Variants in CLPP observed in about 807,000 individuals in gnomAD.
CLPP encodes ATP-dependent Clp protease proteolytic subunit, mitochondrial.
A neutral mutation model predicts 27.4 loss-of-function variants in CLPP; 14 were observed. The ratio of observed to expected loss-of-function variants is 0.51; its 90% CI spans 0.34 to 0.80. CLPP has a LOEUF of 0.80. Among genes scored for constraint, CLPP ranks in the 30% least tolerant of loss-of-function variants. The pLI is 0.02. For synonymous variants in CLPP, 193 were observed against 166.6 expected (o/e 1.16, Z -1.22); for missense variants, 361 against 403.6 (o/e 0.89, Z 0.90).
At chr19:6,363,623 C>T (rs1429921199) in intron 3 of CLPP, among the ~76,000 whole-genome samples, 2 of 152,096 alleles carry the variant, frequency 1.3e-5, no homozygotes, top group African/African-American at 2.4e-5. Flanking sequence ...CTAGACCGGA[C>T]GCAGTGGCTT....
In CLPP at chr19:6,370,225, A is replaced by G. The variant is rs2091881344; in HGVS notation, c.*1515A>G. On this transcript the variant is annotated 3_prime_UTR_variant, in exon 6 of 6. Transcript: ENST00000245816. ...ATCAGGGTCAAGAGGTTGAAATAAAAACGTAGGTGTCATCGGCCGGGCGCG... is the reference window on the plus strand; with the variant it reads ...ATCAGGGTCAAGAGGTTGAAATAAAGACGTAGGTGTCATCGGCCGGGCGCG... Among the ~76,000 whole-genome samples the G allele has an allele frequency of 6.6e-6, 1 of 152,224 alleles. No individual in the cohort carries two copies. Among genetic ancestry groups the G allele is most frequent in the South Asian group, 2.1e-4 (1 of 4,830 alleles).
chr19:6,367,119 G>A (rs2091866297), intron 5 of CLPP, among the ~76,000 whole-genome samples: 1 of 152,002 alleles, frequency 6.6e-6, no homozygotes, highest in Non-Finnish European at 1.5e-5. Context: ...GCTCACGCCT[G>A]TAGTACCAGC....
chr19:6,362,259 G>T (rs760383451), intron 2 of CLPP, 187 bp from the exon 3 acceptor site: 59 of 521,134 alleles, frequency 1.1e-4, no homozygotes, highest in Non-Finnish European at 1.8e-4. Flanking sequence ...CCCCCTTCCT[G>T]TGCTCCAAAC....
At chr19:6,362,582 G>A (rs778415926) in intron 3 of CLPP, 40 bp downstream of exon 3, 4 of 1,365,408 alleles carry the variant, frequency 2.9e-6, no homozygotes, top group Admixed American at 3.4e-5. Flanking sequence ...GCACTCGTCA[G>A]GGCACACGGG....
intron 4 of CLPP, chr19:6,364,977 G>C: frequency 4.7e-6 from 1 of 214,696 alleles, no homozygotes; most frequent in Non-Finnish European, 9.5e-6. Context: ...GCCCACATTG[G>C]CCTCCCAAAG....
At position 6,369,536 on chromosome 19, in the gene CLPP, C is replaced by T. The variant is rs1025197745; in HGVS notation, c.*826C>T. Among the ~76,000 whole-genome samples, 1 of 152,006 alleles carries T rather than the reference C, an allele frequency of 6.6e-6. No individual in the cohort carries two copies. Among genetic ancestry groups the T allele is most frequent in the Admixed American group, 6.6e-5 (1 of 15,260 alleles). Reference sequence around the variant, plus strand: ...AGAAGGTGGTGGTTGAGCAAAGCCTCAAAGGAGGTGAGGGGTGGAGCCTGT... The same window carrying T: ...AGAAGGTGGTGGTTGAGCAAAGCCTTAAAGGAGGTGAGGGGTGGAGCCTGT... On this transcript the variant is annotated 3_prime_UTR_variant, in exon 6 of 6. Coordinates refer to ENST00000245816, the MANE Select transcript of CLPP (RefSeq NM_006012.4).
At chr19:6,362,040 C>A (rs377582066) in intron 2 of CLPP, 100 bp downstream of exon 2, 1 of 1,161,354 alleles carries the variant, frequency 8.6e-7, no homozygotes. Context: ...CCCTCAGGCT[C>A]CGCTCCCCTT....
At chr19:6,366,110 A>T in intron 4 of CLPP, 148 bp from the exon 5 acceptor site, 1 of 607,334 alleles carries the variant, frequency 1.6e-6, no homozygotes, top group South Asian at 2.0e-5. Flanking sequence ...GAAGCAGGAT[A>T]TCGGGGGATT....
In CLPP at chr19:6,362,442, G is replaced by A; in HGVS notation, c.271-4G>A. On this transcript the variant is annotated splice_polypyrimidine_tract_variant and splice_region_variant and intron_variant, in intron 2 of 5. Coordinates refer to ENST00000245816, the MANE Select transcript of CLPP (RefSeq NM_006012.4). ...GGGGACACCCCTGCCCTCTCCACCT[G>A]CAGATCGATGACAGCGTTGCCAGCC... The A allele has an allele frequency of 6.2e-7, 1 of 1,611,734 alleles. No homozygotes were observed. Among genetic ancestry groups the A allele is most frequent in the Non-Finnish European group, 8.5e-7 (1 of 1,177,946 alleles).
At chr19:6,363,703 G>C (rs2091847511) in intron 3 of CLPP, among the ~76,000 whole-genome samples, 2 of 151,950 alleles carry the variant, frequency 1.3e-5, no homozygotes. Flanking sequence ...TTTGAGAGCA[G>C]CCTGGCCAAC....
At chr19:6,362,159 C>A in intron 2 of CLPP, 1 of 602,078 alleles carries the variant, frequency 1.7e-6, no homozygotes. Context: ...TCCTTCCTGA[C>A]ACCTGGCACC....
At chr19:6,362,141 C>G in intron 2 of CLPP, 2 of 602,310 alleles carry the variant, frequency 3.3e-6, no homozygotes, top group Admixed American at 3.0e-5. Context: ...GGCTCTTAAT[C>G]TCCGACTTCC....
chr19:6,362,484 C>A lies in CLPP; in HGVS notation c.309C>A (p.Leu103=), dbSNP rs1456437657. 1 of 1,614,086 alleles carries A rather than the reference C, an allele frequency of 6.2e-7. No homozygotes were observed. Residue 103 remains leucine, a synonymous_variant, in exon 3 of 6, where the codon CTC becomes CTA. Transcript: ENST00000245816. ...DSVASLVIAQ[L]LFLQSESNKK... The stretch of plus-strand genomic sequence containing the variant: ...TTGCCAGCCTTGTTATCGCACAGCT[C>A]CTCTTCCTGCAATCCGAGAGCAACA...
intron 4 of CLPP, chr19:6,364,868 A>G: frequency 2.2e-6 from 1 of 457,884 alleles, no homozygotes; most frequent in Non-Finnish European, 3.9e-6. Flanking sequence ...AGCTGGGACT[A>G]CAGGCGCCCG....
At chr19:6,362,727 C>T (rs567481445) in intron 3 of CLPP, among the ~76,000 whole-genome samples, 185 bp downstream of exon 3, 1 of 152,264 alleles carries the variant, frequency 6.6e-6, no homozygotes, top group Admixed American at 6.5e-5. Context: ...GTTCACAAGT[C>T]AGGATGTGGC....
intron 3 of CLPP, among the ~76,000 whole-genome samples, chr19:6,363,908 G>T (rs1458399618): frequency 6.7e-6 from 1 of 149,426 alleles, no homozygotes; most frequent in Non-Finnish European, 1.5e-5. Flanking sequence ...AAAAAAAATA[G>T]CTGCTTCTGG....
chr19:6,366,521 A>C (rs1484093991), intron 5 of CLPP, among the ~76,000 whole-genome samples, 158 bp downstream of exon 5: 1 of 152,136 alleles, frequency 6.6e-6, no homozygotes, highest in African/African-American at 2.4e-5. Flanking sequence ...CAACATGGTG[A>C]AATCCCATCT....
At chr19:6,364,824 G>C in intron 4 of CLPP, 185 bp downstream of exon 4, 1 of 576,746 alleles carries the variant, frequency 1.7e-6, no homozygotes, top group Non-Finnish European at 3.0e-6. Context: ...CGCCTCCTGG[G>C]TTCACGCCAT....
intron 5 of CLPP, among the ~76,000 whole-genome samples, chr19:6,367,219 AC>A (rs2091866981): frequency 6.6e-6 from 1 of 151,950 alleles, no homozygotes; most frequent in South Asian, 2.1e-4. Context: ...TACCAAAAAT[AC>A]AAAAACTAGC....
Sources: gnomAD v4.1 joint callset for allele counts (sites outside exome capture counted in the v4.1 genomes callset) on GRCh38, gnomAD v4.1.1 for gene constraint, MANE v1.5 for transcripts, NCBI Gene and HGNC (gene_info 2026-07-23, HGNC 2026-07-21) for gene names.